The following SIDT2 variants were observed in gnomAD, a reference collection of about 807,000 sequenced individuals.
SIDT2 encodes the protein SID1 transmembrane family member 2.
A neutral mutation model predicts 114.4 loss-of-function variants in SIDT2; 68 were observed. The ratio of observed to expected loss-of-function variants is 0.59; its 90% confidence interval spans 0.49 to 0.73. SIDT2 has a LOEUF of 0.73. Among genes scored for constraint, SIDT2 ranks in the 30% least tolerant of loss-of-function variants. SIDT2 has a pLI of 0.00. For synonymous variants in SIDT2, 470 were observed against 438.4 expected, an observed-to-expected ratio of 1.07 and a Z score of -0.90; for missense variants, 918 against 1,097.1, an observed-to-expected ratio of 0.84 and a Z score of 2.31.
At position 117,188,302 on chromosome 11, in the gene SIDT2, C is replaced by T. The variant is rs910700442; in HGVS notation, c.1160-406C>T. 13 of 314,402 alleles carry T rather than the reference C, an allele frequency of 4.1e-5. No homozygotes were observed. Among genetic ancestry groups the T allele is most frequent in the African/African-American group, 2.6e-4 (12 of 46,478 alleles). 19.5% of individuals were successfully genotyped at this position (314,402 alleles called of 1,614,324 possible). On this transcript the variant is annotated intron_variant, in intron 12 of 25. Coordinates refer to ENST00000324225, the MANE Select transcript of SIDT2 (RefSeq NM_001040455.2). This position sits in a 1 kb window ranked among gnomAD's most constrained non-coding sequence, Gnocchi z 4.0. ...CACCCCAGGCCCACTGGGTCTTTAA[C>T]CCAGTGGCAGCCAAGGCAGTGTCTT...
rs780220396 is a variant in SIDT2 at position 117,189,253 on chromosome 11, T to C, written c.1352+11T>C. On this transcript the variant is annotated intron_variant, in intron 14 of 25. Coordinates refer to ENST00000324225, the MANE Select transcript of SIDT2 (RefSeq NM_001040455.2). ...CCAGATCTACTTCTGGTGAGTGGGC[T>C]GAGTGTCTGGGGCTCTGCTGTTGGT... 4 of 1,614,072 alleles carry C rather than the reference T, an allele frequency of 2.5e-6. No individual in the cohort carries two copies. The highest frequency in any genetic ancestry group is 1.7e-5 in the Admixed American group (1 of 60,010).
intron 24 of SIDT2, chr11:117,194,203 T>C: frequency 5.1e-6 from 2 of 393,910 alleles, no homozygotes; most frequent in Non-Finnish European, 9.2e-6. Flanking sequence ...TAGTCCTAGC[T>C]ACCTCGGAAG....
At position 117,187,338 on chromosome 11, in the gene SIDT2, T is replaced by C. The variant is rs374997235; in HGVS notation, c.1016-40T>C. On this transcript the variant is annotated intron_variant, in intron 10 of 25. Transcript: ENST00000324225. ...TCTTCTCCCTGGCTCTAGGCCTCTC[T>C]CTTCGTCCAGTGCTAACAGACCTTG... 5 of 1,592,674 alleles carry C rather than the reference T, an allele frequency of 3.1e-6. No homozygotes were observed. The African/African-American group carries it at 6.7e-5, about 21-fold the overall frequency.
Position 117,182,634 on chromosome 11 carries a change from C to T in SIDT2, c.618+14C>T, listed in dbSNP as rs2030334504. The stretch of plus-strand genomic sequence containing the variant: ...CAGGATGTGCTGGTGAGTTGCCTGC[C>T]CTTTTGCTCTTCCCCAGCAGGCAGC... On this transcript the variant is annotated intron_variant, in intron 5 of 25. Transcript: ENST00000324225. 1 of 1,613,996 alleles carries T rather than the reference C, an allele frequency of 6.2e-7. No homozygotes were observed.
Position 117,190,507 on chromosome 11 carries a change from C to G in SIDT2, c.1618-116C>G, listed in dbSNP as rs780818905. ...CAGCCCACCCCTGCACACCCACACT[C>G]GACACATACCCCACCCCTTTTCCTC... On this transcript the variant is annotated intron_variant, in intron 17 of 25. Transcript: ENST00000324225. This position sits in a 1 kb window ranked among gnomAD's most constrained non-coding sequence, Gnocchi z 4.1. 4 of 1,078,918 alleles carry G rather than the reference C, an allele frequency of 3.7e-6. No homozygotes were observed. Among genetic ancestry groups the G allele is most frequent in the Non-Finnish European group, 5.3e-6 (4 of 748,212 alleles). The allele number at this position is 1,078,918 out of a possible 1,614,324, so 66.8% of individuals were successfully genotyped here. A position where few individuals can be genotyped will look rare whatever the true frequency, so the allele number is the denominator to read the frequency against.
At chr11:117,185,917 C>A in intron 8 of SIDT2, 1 of 460,184 alleles carries the variant, frequency 2.2e-6, no homozygotes, top group East Asian at 3.7e-5. Flanking sequence ...AGTTCTAGCC[C>A]AGGGAGCAAC....
intron 12 of SIDT2, 167 bp downstream of exon 12, chr11:117,187,866 C>T: frequency 1.4e-6 from 1 of 734,406 alleles, no homozygotes; most frequent in Admixed American, 2.0e-5. Context: ...CCCCAGTTCC[C>T]TGGTAACTTT....
chr11:117,182,906 A>G (rs1424015624), intron 6 of SIDT2, 100 bp downstream of exon 6: 1 of 1,309,524 alleles, frequency 7.6e-7, no homozygotes. Flanking sequence ...CCTATCCTAC[A>G]CACGACTGAG....
intron 12 of SIDT2, chr11:117,187,979 T>C (rs1457566067): frequency 6.3e-6 from 4 of 639,910 alleles, no homozygotes; most frequent in East Asian, 6.4e-5. Flanking sequence ...GGGGTAGGGC[T>C]GTTTTGCCAA....
At chr11:117,193,281 C>CA in intron 23 of SIDT2, 23 bp downstream of exon 23, 3 of 1,582,032 alleles carry the variant, frequency 1.9e-6, no homozygotes, top group Non-Finnish European at 1.7e-6. Context: ...GGCCAAGCCC[C>CA]CTCTGTCAGC....
intron 8 of SIDT2, chr11:117,185,894 A>G (rs2134252114): frequency 1.2e-5 from 3 of 257,406 alleles, no homozygotes; most frequent in African/African-American, 1.0e-4. Context: ...AAAAAAAAAA[A>G]AGTAGAAGAG....
intron 8 of SIDT2, 35 bp from the exon 9 acceptor site, chr11:117,186,095 T>C: frequency 6.3e-7 from 1 of 1,592,850 alleles, no homozygotes; most frequent in Non-Finnish European, 8.6e-7. Context: ...GGTGGAAGGT[T>C]TTGACCTGTC....
rs1316900012 is a variant in SIDT2, at chr11:117,181,867, G to T, written c.366G>T (p.Lys122Asn). 1 of 1,614,094 alleles carries T rather than the reference G, an allele frequency of 6.2e-7. No individual in the cohort carries two copies. The highest frequency in any genetic ancestry group is 1.3e-5 in the African/African-American group (1 of 74,928). Residue 122 changes from lysine (K) to asparagine (N), a missense_variant, in exon 3 of 26, where the codon AAG becomes AAT. Coordinates refer to ENST00000324225, the MANE Select transcript of SIDT2 (RefSeq NM_001040455.2). ...VERTLCQPPT[K>N]NESEIQFFYV... Reference sequence around the variant, plus strand: ...GAACCCTGTGTCAGCCCCCCACCAAGAATGAGTCGGAGATTCAGTTCTTCT... The same window carrying T: ...GAACCCTGTGTCAGCCCCCCACCAATAATGAGTCGGAGATTCAGTTCTTCT...
At position 117,197,066 on chromosome 11, in the gene SIDT2, C is replaced by G. The variant is rs1378608855; in HGVS notation, c.*1000C>G. On this transcript the variant is annotated 3_prime_UTR_variant, in exon 26 of 26. Transcript: ENST00000324225. The stretch of plus-strand genomic sequence containing the variant: ...TTCCCTCTACGTGCCCAGTCCTAGC[C>G]TCGCTCTAGGACCCAGGGCTGGCTT... The G allele has an allele frequency of 1.3e-5, 2 of 152,538 alleles. No homozygotes were observed. The highest frequency in any genetic ancestry group is 2.9e-5 in the Non-Finnish European group (2 of 68,122). 9.4% of individuals were successfully genotyped at this position (152,538 alleles called of 1,614,324 possible).
In SIDT2 at chr11:117,189,402, G is replaced by A; in HGVS notation, c.1419+1G>A. On this transcript the variant is annotated splice_donor_variant, in intron 15 of 25. Transcript: ENST00000324225. LOFTEE classifies it high-confidence loss of function. ...GCAGCTGGTGATCACCTACCAGACGGTGAGAGGGCAGGGCAGGTTCACCTT... is the reference window on the plus strand; with the variant it reads ...GCAGCTGGTGATCACCTACCAGACGATGAGAGGGCAGGGCAGGTTCACCTT... The A allele has an allele frequency of 6.2e-7, 1 of 1,613,934 alleles. No individual in the cohort carries two copies. Among genetic ancestry groups the A allele is most frequent in the Non-Finnish European group, 8.5e-7 (1 of 1,179,918 alleles).
chr11:117,179,682 G>A (rs2030188321), intron 1 of SIDT2: 2 of 513,484 alleles, frequency 3.9e-6, no homozygotes, highest in Non-Finnish European at 6.9e-6. Flanking sequence ...CTTCTCTTCC[G>A]CCCCCATTCT....
intron 4 of SIDT2, 82 bp downstream of exon 4, chr11:117,182,187 T>G (rs1388845193): frequency 6.6e-7 from 1 of 1,524,572 alleles, no homozygotes; most frequent in Non-Finnish European, 9.0e-7. Context: ...GGTCTTTGCT[T>G]GGCCTTTTGA....
At position 117,190,766 on chromosome 11, in the gene SIDT2, G is replaced by C. The variant is rs1273507993; in HGVS notation, c.1735+26G>C. On this transcript the variant is annotated intron_variant, in intron 18 of 25. Coordinates refer to ENST00000324225, the MANE Select transcript of SIDT2 (RefSeq NM_001040455.2). This position sits in a 1 kb window ranked among gnomAD's most constrained non-coding sequence, Gnocchi z 4.1. ...GTGAGTGGGGCGTCCTTCTTTTCTG[G>C]CTCAACCTACAGCAGGGACCTGCCT... 1 of 1,577,118 alleles carries C rather than the reference G, an allele frequency of 6.3e-7. No homozygotes were observed. The highest frequency in any genetic ancestry group is 1.3e-5 in the African/African-American group (1 of 74,128).
At chr11:117,182,141 T>TG (rs769640547) in intron 4 of SIDT2, 36 bp downstream of exon 4, 1 of 1,610,770 alleles carries the variant, frequency 6.2e-7, no homozygotes, top group Non-Finnish European at 8.5e-7. Flanking sequence ...AGAGGAGAAA[T>TG]GGGGGAGCTT....
Sources: allele counts gnomAD v4.1 joint callset, GRCh38; gene constraint gnomAD v4.1.1; non-coding constraint Gnocchi (gnomAD v3.1); transcripts MANE v1.5; gene names NCBI Gene and HGNC (gene_info 2026-07-23, HGNC 2026-07-21).